Variants in MTUS2 observed in about 807,000 individuals in gnomAD.
MTUS2 encodes microtubule-associated tumor suppressor candidate 2.
Under a neutral mutation model 114.1 loss-of-function variants are expected in MTUS2, and 40 were observed. That is an observed-to-expected ratio of 0.35 (90% CI 0.27 to 0.46). MTUS2 has a LOEUF of 0.46. Among genes scored for constraint, MTUS2 ranks in the 20% least tolerant of loss-of-function variants. The pLI is 1.00. For synonymous variants in MTUS2, 688 were observed against 672.0 expected (o/e 1.02, Z -0.37); for missense variants, 1,679 against 1,705.4 (o/e 0.98, Z 0.27).
chr13:28,867,105 G>A (rs894613716), intron 2 of MTUS2, among the ~76,000 whole-genome samples: 1 of 152,148 alleles, frequency 6.6e-6, no homozygotes, highest in African/African-American at 2.4e-5. Context: ...ACATGGAAGG[G>A]TGGAATCATG....
chr13:28,831,152 A>G (rs1412081611), intron 1 of MTUS2, among the ~76,000 whole-genome samples: 4 of 53,590 alleles, frequency 7.5e-5, no homozygotes, highest in African/African-American at 2.5e-4. Flanking sequence ...AATAACTAAA[A>G]AATGTAAAAG....
rs1393219548 is a variant in MTUS2, at chr13:28,909,496, C to T, written c.-243+69646C>T. Among the ~76,000 whole-genome samples the T allele has an allele frequency of 3.9e-5, 6 of 152,210 alleles. No individual in the cohort carries two copies. The South Asian group carries it at 1.2e-3, about 32-fold the overall frequency. On this transcript the variant is annotated intron_variant, in intron 2 of 15. Coordinates refer to ENST00000612955, the MANE Select transcript of MTUS2 (RefSeq NM_001033602.4). ...TCATGATTTGGCTCTCTGTTTAAAA[C>T]TCTCAATAAATTAGGTATTTATGGG...
intron 2 of MTUS2, among the ~76,000 whole-genome samples, chr13:28,912,698 G>A (rs1041656893): frequency 1.3e-5 from 2 of 151,988 alleles, no homozygotes; most frequent in Admixed American, 6.6e-5. Flanking sequence ...TTGAGCAGTG[G>A]TTTGTTGTTC....
In MTUS2 at chr13:29,389,857, A is replaced by G. The variant is rs867881169; in HGVS notation, c.3117+30384A>G. 2.3e-4 allele frequency among the ~76,000 whole-genome samples: 11 copies of G among 47,316 alleles called. 4 individuals are homozygous for G. The highest frequency in any genetic ancestry group is 1.4e-3 in the East Asian group (2 of 1,474). The allele number at this position is 47,316 out of a possible 152,430, so 31.0% of individuals were successfully genotyped here. On this transcript the variant is annotated intron_variant, in intron 8 of 15. Transcript: ENST00000612955. ...TATATACATACATATGTGTATATAT[A>G]CATACATATGTGTATATATACATAC... is the stretch of plus-strand genomic sequence containing the variant.
intron 9 of MTUS2, among the ~76,000 whole-genome samples, chr13:29,457,591 G>A (rs1486052420): frequency 6.6e-6 from 1 of 152,014 alleles, no homozygotes; most frequent in Non-Finnish European, 1.5e-5. Context: ...TTATAAATAA[G>A]GCTGTTATGA....
chr13:29,058,119 T>C (rs375376877), intron 4 of MTUS2, among the ~76,000 whole-genome samples: 72 of 152,286 alleles, frequency 4.7e-4, no homozygotes, highest in African/African-American at 1.6e-3. Flanking sequence ...AGGCCCCCAG[T>C]CTCTTCTGGC....
Position 29,026,340 on chromosome 13 carries a change from C to T in MTUS2, c.1642C>T (p.Pro548Ser). The T allele has an allele frequency of 6.2e-7, 1 of 1,613,960 alleles. No homozygotes were observed. Among genetic ancestry groups the T allele is most frequent in the Non-Finnish European group, 8.5e-7 (1 of 1,179,880 alleles). The change falls in exon 3 of 16, where the codon CCT (proline) becomes TCT (serine). Residue 548 changes from proline to serine, a missense_variant. By Grantham distance (74) the Pro-to-Ser change is moderately conservative. Around this residue, in one of 3 missense-constraint regions of MTUS2, gnomAD observed 843 missense variants for 770.8 expected, o/e 1.09. Transcript: ENST00000612955. ...GACAACTGTGAACATGACCTACCAG[C>T]CTACAACACCCAGTAGCAGTTTTCA... ...PETTVNMTYQ[P>S]TTPSSSFQDV...
intron 2 of MTUS2, among the ~76,000 whole-genome samples, chr13:28,945,219 G>A (rs769226236): frequency 1.3e-5 from 2 of 148,568 alleles, no homozygotes; most frequent in Admixed American, 6.7e-5. Context: ...TTATCCAGTC[G>A]TCTGCTGATG....
chr13:29,103,415 G>A (rs1890509481), intron 5 of MTUS2, among the ~76,000 whole-genome samples: 1 of 152,322 alleles, frequency 6.6e-6, no homozygotes, highest in African/African-American at 2.4e-5. Context: ...ACAATAGTGC[G>A]TATTGGTATA....
At chr13:29,471,558 C>T (rs766216888) in intron 9 of MTUS2, among the ~76,000 whole-genome samples, 15 of 152,086 alleles carry the variant, frequency 9.9e-5, no homozygotes, top group African/African-American at 1.2e-4. Flanking sequence ...CCCACTGCTG[C>T]GGGAGACAGA....
chr13:28,852,931 AGCGAGCCTCTGT>A (rs1876382924), intron 2 of MTUS2, among the ~76,000 whole-genome samples: 1 of 147,626 alleles, frequency 6.8e-6, no homozygotes, highest in African/African-American at 2.5e-5. Context: ...ATACATACAT[AGCGAGCCTCTGT>A]CTTAAATACA....
chr13:29,184,587 G>C (rs183885690), intron 5 of MTUS2, among the ~76,000 whole-genome samples: 1 of 152,180 alleles, frequency 6.6e-6, no homozygotes, highest in Non-Finnish European at 1.5e-5. Context: ...ACTACACACA[G>C]AGCCACTTGG....
chr13:29,114,085 C>T (rs916064843), intron 5 of MTUS2, among the ~76,000 whole-genome samples: 7 of 152,090 alleles, frequency 4.6e-5, no homozygotes, highest in Admixed American at 4.6e-4. Flanking sequence ...TGGAAGCTTC[C>T]TGAGGCCCTC....
chr13:29,061,626 T>G (rs1169357027), intron 4 of MTUS2, among the ~76,000 whole-genome samples: 1 of 152,186 alleles, frequency 6.6e-6, no homozygotes, highest in Non-Finnish European at 1.5e-5. Context: ...CTTACCATGA[T>G]GGACAGCTTC....
chr13:29,101,556 A>G (rs983345489), intron 5 of MTUS2, among the ~76,000 whole-genome samples: 1 of 152,182 alleles, frequency 6.6e-6, no homozygotes, highest in African/African-American at 2.4e-5. Context: ...GTATGAATGA[A>G]TAACCTGCAG....
intron 5 of MTUS2, among the ~76,000 whole-genome samples, chr13:29,166,089 A>G: frequency 6.6e-6 from 1 of 152,180 alleles, no homozygotes; most frequent in East Asian, 1.9e-4. Flanking sequence ...GCTACTGGTG[A>G]AAACAGAACT....
At chr13:29,301,973 A>G (rs936022082) in intron 6 of MTUS2, among the ~76,000 whole-genome samples, 7 of 152,156 alleles carry the variant, frequency 4.6e-5, no homozygotes, top group Admixed American at 3.3e-4. Flanking sequence ...TAAAAGCACT[A>G]ATCCCATTCC....
intron 5 of MTUS2, among the ~76,000 whole-genome samples, chr13:29,266,756 A>G (rs923997328): frequency 6.6e-6 from 1 of 152,152 alleles, no homozygotes; most frequent in African/African-American, 2.4e-5. Context: ...ATATGTGGCT[A>G]TGATAGGAAG....
chr13:29,235,940 A>G (rs1400167046), intron 5 of MTUS2, among the ~76,000 whole-genome samples: 1 of 152,114 alleles, frequency 6.6e-6, no homozygotes, highest in Admixed American at 6.5e-5. Context: ...TTTTTCTACA[A>G]AATTACGCAT....
Sources: gnomAD v4.1 joint callset for allele counts (sites outside exome capture counted in the v4.1 genomes callset) on GRCh38, gnomAD v4.1.1 for gene constraint, gnomAD v4.1.1 regional missense constraint, MANE v1.5 for transcripts, NCBI Gene and HGNC (gene_info 2026-07-23, HGNC 2026-07-21) for gene names.